The following PXDNL variants were observed in gnomAD, a reference collection of about 807,000 sequenced individuals.
PXDNL encodes the protein peroxidasin like, also known as probable oxidoreductase PXDNL.
PXDNL carries 145 observed loss-of-function variants against 150.8 expected under a neutral mutation model. The ratio of observed to expected loss-of-function variants is 0.96; its 90% confidence interval spans 0.84 to 1.10. The LOEUF (loss-of-function observed/expected upper bound fraction) is 1.10. Ranked by LOEUF, PXDNL falls within the 50% of genes least tolerant of loss-of-function variation. PXDNL has a pLI of 0.00. For synonymous variants in PXDNL, 757 were observed against 725.7 expected (o/e 1.04, Z -0.69); for missense variants, 2,087 against 1,873.9 (o/e 1.11, Z -2.10).
intron 2 of PXDNL, among the ~76,000 whole-genome samples, chr8:51,617,195 C>G (rs1451335082): frequency 6.6e-6 from 1 of 152,154 alleles, no homozygotes; most frequent in African/African-American, 2.4e-5. Flanking sequence ...CTTCCTCAAT[C>G]TCTATAAATT....
chr8:51,411,215 C>A lies in PXDNL; in HGVS notation c.2062+35G>T, dbSNP rs773485444. 29 of 1,386,998 alleles carry A rather than the reference C, an allele frequency of 2.1e-5. No homozygotes were observed. The South Asian group carries it at 4.8e-4, about 23-fold the overall frequency. The allele number at this position is 1,386,998 out of a possible 1,614,324, so 85.9% of individuals were successfully genotyped here. On this transcript the variant is annotated intron_variant, in intron 16 of 22. Transcript: ENST00000356297. ...AGGTGGTGGTCAGTTTTTCTGTGGGCAGTAGGCTGAGAATAAAATGGCTTT... is the reference window on the plus strand; with the variant it reads ...AGGTGGTGGTCAGTTTTTCTGTGGGAAGTAGGCTGAGAATAAAATGGCTTT...
intron 4 of PXDNL, among the ~76,000 whole-genome samples, chr8:51,511,005 A>G (rs924487930): frequency 6.6e-6 from 1 of 152,200 alleles, no homozygotes; most frequent in Non-Finnish European, 1.5e-5. Flanking sequence ...TGAGGATGCT[A>G]TCGTGGTCTA....
At chr8:51,353,061 A>C (rs1205054790) in intron 19 of PXDNL, among the ~76,000 whole-genome samples, 1 of 152,094 alleles carries the variant, frequency 6.6e-6, no homozygotes, top group Admixed American at 6.6e-5. Flanking sequence ...AAGAAAGAAA[A>C]TGGCTACAAT....
intron 1 of PXDNL, among the ~76,000 whole-genome samples, chr8:51,800,907 A>G (rs553774873): frequency 6.6e-6 from 1 of 152,314 alleles, no homozygotes; most frequent in South Asian, 2.1e-4. Flanking sequence ...TGATTGTAAA[A>G]CACGGGTGTT....
At chr8:51,752,541 C>A (rs1171019326) in intron 1 of PXDNL, among the ~76,000 whole-genome samples, 3 of 152,034 alleles carry the variant, frequency 2.0e-5, no homozygotes, top group African/African-American at 7.2e-5. Context: ...ACCTGGCCTG[C>A]CACAGAAGGG....
chr8:51,561,437 C>G (rs1352629963), intron 3 of PXDNL, among the ~76,000 whole-genome samples: 1 of 151,674 alleles, frequency 6.6e-6, no homozygotes, highest in African/African-American at 2.4e-5. Context: ...TTCAGGAAGC[C>G]AAGGCAGGAG....
intron 4 of PXDNL, among the ~76,000 whole-genome samples, chr8:51,516,972 T>C (rs995178163): frequency 2.6e-5 from 4 of 152,202 alleles, no homozygotes; most frequent in Non-Finnish European, 5.9e-5. Context: ...AAGTTCTAAT[T>C]ATCCACCTTT....
chr8:51,465,562 A>C (rs1372106765), intron 8 of PXDNL, among the ~76,000 whole-genome samples: 1 of 152,192 alleles, frequency 6.6e-6, no homozygotes, highest in Non-Finnish European at 1.5e-5. Flanking sequence ...CAGAGCAATC[A>C]GGTAAGAGAA....
At chr8:51,546,700 C>T (rs544582618) in intron 4 of PXDNL, among the ~76,000 whole-genome samples, 22 of 152,234 alleles carry the variant, frequency 1.4e-4, no homozygotes, top group Admixed American at 7.2e-4. Flanking sequence ...CAGGGAGGGG[C>T]GAGGCCTGAG....
At chr8:51,481,280 A>G (rs745620014) in intron 6 of PXDNL, among the ~76,000 whole-genome samples, 5 of 152,198 alleles carry the variant, frequency 3.3e-5, no homozygotes, top group Non-Finnish European at 5.9e-5. Context: ...CACTCTTCCT[A>G]TGCAAAGAGA....
intron 1 of PXDNL, among the ~76,000 whole-genome samples, chr8:51,695,592 C>A (rs1274632522): frequency 6.6e-6 from 1 of 152,158 alleles, no homozygotes; most frequent in Non-Finnish European, 1.5e-5. Context: ...TCAGAGACAA[C>A]AATCCATAGC....
intron 21 of PXDNL, among the ~76,000 whole-genome samples, chr8:51,329,608 T>A (rs897257837): frequency 1.3e-5 from 2 of 152,048 alleles, no homozygotes; most frequent in Non-Finnish European, 2.9e-5. Context: ...AAAATAACTA[T>A]GATTAATACA....
At chr8:51,495,853 CAGGAGG>C (rs764319431) in intron 5 of PXDNL, among the ~76,000 whole-genome samples, 211 of 152,194 alleles carry the variant, frequency 1.4e-3, no homozygotes, top group Non-Finnish European at 2.5e-3. Flanking sequence ...CCAGAGGTAC[CAGGAGG>C]AGCTGGTACC....
chr8:51,474,951 T>C, intron 7 of PXDNL, 21 bp downstream of exon 7: 1 of 1,560,638 alleles, frequency 6.4e-7, no homozygotes. Flanking sequence ...CTATCTTATG[T>C]ACACATTGAA....
chr8:51,335,982 T>C (rs535862236), intron 21 of PXDNL, among the ~76,000 whole-genome samples: 2 of 152,298 alleles, frequency 1.3e-5, no homozygotes, highest in South Asian at 2.1e-4. Flanking sequence ...CAAAAGTCAC[T>C]TAACAAAGGT....
intron 5 of PXDNL, among the ~76,000 whole-genome samples, chr8:51,490,176 A>T (rs987355422): frequency 6.6e-6 from 1 of 152,238 alleles, no homozygotes; most frequent in Non-Finnish European, 1.5e-5. Context: ...AAGACATGAC[A>T]TTATTTTAAA....
chr8:51,472,129 A>G (rs1207291404), intron 8 of PXDNL, 58 bp downstream of exon 8: 3 of 1,165,300 alleles, frequency 2.6e-6, no homozygotes, highest in Non-Finnish European at 3.8e-6. Context: ...AAATTGAGTT[A>G]AAAAGATTGC....
In PXDNL at chr8:51,648,637, C is replaced by T. The variant is rs563652767; in HGVS notation, c.236+6052G>A. 2.6e-5 allele frequency among the ~76,000 whole-genome samples: 4 copies of T among 152,168 alleles called. No individual in the cohort carries two copies. In the South Asian group the frequency reaches 8.3e-4, roughly 32 times the overall value. On this transcript the variant is annotated intron_variant, in intron 2 of 22. Transcript: ENST00000356297. ...GCTTTGGTGATTTTTTTTAAAGCAG[C>T]CCTAGAAAATTAATATAACTTCTTT... is the stretch of plus-strand genomic sequence containing the variant.
At chr8:51,440,900 T>G (rs1264847244) in intron 12 of PXDNL, among the ~76,000 whole-genome samples, 3 of 152,162 alleles carry the variant, frequency 2.0e-5, no homozygotes, top group Non-Finnish European at 4.4e-5. Flanking sequence ...CCTGTGGGGC[T>G]TACTGAGCAG....
Sources: gnomAD v4.1 joint callset for allele counts (sites outside exome capture counted in the v4.1 genomes callset) on GRCh38, gnomAD v4.1.1 for gene constraint, MANE v1.5 for transcripts, NCBI Gene and HGNC (gene_info 2026-07-23, HGNC 2026-07-21) for gene names.